Variants in ARHGAP12 observed in about 807,000 individuals in gnomAD.
The protein encoded by ARHGAP12 is Rho GTPase activating protein 12.
A neutral mutation model predicts 108.6 loss-of-function variants in ARHGAP12; 64 were observed. That is an observed-to-expected ratio of 0.59 (90% CI 0.48 to 0.73). The LOEUF is 0.73. Among genes scored for constraint, ARHGAP12 ranks in the 30% least tolerant of loss-of-function variants. ARHGAP12 has a pLI of 0.00. For synonymous variants in ARHGAP12, 312 were observed against 337.2 expected (o/e 0.93, Z 0.82); for missense variants, 940 against 1,005.9 (o/e 0.93, Z 0.89).
At chr10:31,830,580 TCTAA>T (rs921900990) in intron 10 of ARHGAP12, among the ~76,000 whole-genome samples, 2 of 151,898 alleles carry the variant, frequency 1.3e-5, no homozygotes, top group Non-Finnish European at 2.9e-5. Context: ...AAAAAAAAAA[TCTAA>T]CTACCAAAGT....
intron 10 of ARHGAP12, chr10:31,826,706 T>G: frequency 4.6e-6 from 1 of 217,368 alleles, no homozygotes; most frequent in Non-Finnish European, 9.0e-6. Context: ...TATTTTAAAG[T>G]CACACAAGTG....
chr10:31,873,992 T>C (rs1191500207), intron 3 of ARHGAP12, among the ~76,000 whole-genome samples: 1 of 152,210 alleles, frequency 6.6e-6, no homozygotes. Flanking sequence ...ATGGTAACTC[T>C]ATCATCAGCA....
rs1377505883 is a variant in ARHGAP12, at chr10:31,908,088, C to G, written c.684+84G>C. 22 of 1,322,092 alleles carry G rather than the reference C, an allele frequency of 1.7e-5. No individual in the cohort carries two copies. The East Asian group carries it at 5.2e-4, about 31-fold the overall frequency. 81.9% of individuals were successfully genotyped at this position (1,322,092 alleles called of 1,614,324 possible). On this transcript the variant is annotated intron_variant, in intron 3 of 19. Coordinates refer to ENST00000344936, the MANE Select transcript of ARHGAP12 (RefSeq NM_018287.7). ...AAATACAAAGCAAAACAAGTCTTAA[C>G]TCTTACAAATATTTCAATTAAAACT...
intron 3 of ARHGAP12, among the ~76,000 whole-genome samples, chr10:31,869,001 C>A (rs957194614): frequency 1.3e-5 from 2 of 152,126 alleles, no homozygotes; most frequent in African/African-American, 4.8e-5. Context: ...GCGCTTAGGG[C>A]AAACTAGCCT....
At chr10:31,876,017 T>A (rs989450281) in intron 3 of ARHGAP12, among the ~76,000 whole-genome samples, 1 of 152,016 alleles carries the variant, frequency 6.6e-6, no homozygotes, top group Non-Finnish European at 1.5e-5. Flanking sequence ...TGTGTGTGTC[T>A]GTGTATTTAT....
At chr10:31,926,783 T>G (rs1840066418) in intron 1 of ARHGAP12, among the ~76,000 whole-genome samples, 1 of 152,218 alleles carries the variant, frequency 6.6e-6, no homozygotes, top group African/African-American at 2.4e-5. Context: ...GTCAAATGAT[T>G]AACTACAAGT....
At chr10:31,872,749 A>G (rs2778671) in intron 3 of ARHGAP12, among the ~76,000 whole-genome samples, 3,188 of 152,270 alleles carry the variant, frequency 0.021, 49 homozygotes, top group Non-Finnish European at 0.035. Flanking sequence ...TAACTATAAG[A>G]TAACTCCAAG....
At chr10:31,844,716 T>G (rs1473249343) in intron 6 of ARHGAP12, among the ~76,000 whole-genome samples, 6 of 124,284 alleles carry the variant, frequency 4.8e-5, no homozygotes, top group Admixed American at 1.8e-4. Context: ...TTTTTTTTTG[T>G]AGAGCCAAAG....
Position 31,908,188 on chromosome 10 carries a change from G to C in ARHGAP12, c.668C>G (p.Ser223Cys). ...SESGDELSSS[S>C]TEQIRATTPP... is the part of the protein sequence containing the mutation. ...TAATCTTACCCTTATCTGTTCAGTG[G>C]AGCTGCTGCTAAGTTCATCACCAGA... Residue 223 changes from serine to cysteine, a missense_variant, in exon 3 of 20, where the codon TCC becomes TGC. By Grantham distance (112) the Ser-to-Cys change is moderately radical (BLOSUM62 -1). Coordinates refer to ENST00000344936, the MANE Select transcript of ARHGAP12 (RefSeq NM_018287.7). 6.2e-7 allele frequency: 1 copy of C among 1,604,538 alleles called. No homozygotes were observed. The highest frequency in any genetic ancestry group is 8.5e-7 in the Non-Finnish European group (1 of 1,175,704).
intron 3 of ARHGAP12, among the ~76,000 whole-genome samples, chr10:31,861,990 T>C (rs750906321): frequency 6.6e-6 from 1 of 152,206 alleles, no homozygotes; most frequent in East Asian, 1.9e-4. Flanking sequence ...TCTTTGAAAG[T>C]GAAATTTTTT....
At chr10:31,875,961 C>T (rs1330458555) in intron 3 of ARHGAP12, among the ~76,000 whole-genome samples, 1 of 152,210 alleles carries the variant, frequency 6.6e-6, no homozygotes, top group Non-Finnish European at 1.5e-5. Flanking sequence ...TTTCACTTAG[C>T]ATGTGTCAGA....
chr10:31,869,207 C>T (rs1837447972), intron 3 of ARHGAP12, among the ~76,000 whole-genome samples: 1 of 152,014 alleles, frequency 6.6e-6, no homozygotes, highest in Non-Finnish European at 1.5e-5. Flanking sequence ...CATGAATTGT[C>T]ACCAACAAAA....
intron 1 of ARHGAP12, among the ~76,000 whole-genome samples, chr10:31,926,568 T>C (rs1837373430): frequency 6.6e-6 from 1 of 152,240 alleles, no homozygotes; most frequent in African/African-American, 2.4e-5. Context: ...GTGATGCCCA[T>C]TTTCTCAGGT....
intron 3 of ARHGAP12, among the ~76,000 whole-genome samples, chr10:31,866,808 G>C (rs952608026): frequency 1.3e-5 from 2 of 151,850 alleles, no homozygotes; most frequent in African/African-American, 4.8e-5. Flanking sequence ...GTAGAGACAG[G>C]ATTTCTCCAT....
chr10:31,853,009 T>A (rs192811460), intron 5 of ARHGAP12, among the ~76,000 whole-genome samples: 232 of 152,328 alleles, frequency 1.5e-3, no homozygotes, highest in African/African-American at 5.4e-3. Context: ...ATTATAGGCG[T>A]CAGCCACGGC....
intron 9 of ARHGAP12, among the ~76,000 whole-genome samples, chr10:31,835,271 A>G (rs932780344): frequency 1.3e-5 from 2 of 152,086 alleles, no homozygotes; most frequent in Admixed American, 6.5e-5. Context: ...CTTTCTCTAC[A>G]TAATATGTGT....
chr10:31,871,524 A>T (rs1323002424), intron 3 of ARHGAP12, among the ~76,000 whole-genome samples: 2 of 152,134 alleles, frequency 1.3e-5, no homozygotes, highest in Admixed American at 1.3e-4. Context: ...TCACCCTGTC[A>T]CAGATCTGTC....
intron 3 of ARHGAP12, among the ~76,000 whole-genome samples, chr10:31,894,064 C>T (rs1330616559): frequency 7.2e-5 from 11 of 152,140 alleles, no homozygotes; most frequent in Admixed American, 7.2e-4. Flanking sequence ...ATGCTAAAAA[C>T]TCTCAATAAA....
chr10:31,831,619 T>C (rs560351252), intron 10 of ARHGAP12, 120 bp downstream of exon 10: 35 of 602,580 alleles, frequency 5.8e-5, no homozygotes, highest in African/African-American at 1.2e-4. Flanking sequence ...TATGATTACA[T>C]AGAAAACAAA....
Sources: gnomAD v4.1 joint callset for allele counts (sites outside exome capture counted in the v4.1 genomes callset) on GRCh38, gnomAD v4.1.1 for gene constraint, MANE v1.5 for transcripts, NCBI Gene and HGNC (gene_info 2026-07-23, HGNC 2026-07-21) for gene names.